The following CACNG2 variants were observed in gnomAD, a reference collection of about 807,000 sequenced individuals.
CACNG2 encodes voltage-dependent calcium channel gamma-2 subunit.
Under a neutral mutation model 25.9 loss-of-function variants are expected in CACNG2, and 3 were observed. The observed-to-expected ratio is 0.12, with a 90% CI of 0.05 to 0.30. The LOEUF is 0.30. Among genes scored for constraint, CACNG2 ranks in the 10% least tolerant of loss-of-function variants. CACNG2 has a pLI of 1.00. For synonymous variants in CACNG2, 167 were observed against 173.3 expected, an observed-to-expected ratio of 0.96 and a Z score of 0.29; for missense variants, 341 against 432.5, an observed-to-expected ratio of 0.79 and a Z score of 1.88.
intron 1 of CACNG2, among the ~76,000 whole-genome samples, chr22:36,637,926 G>A (rs568807519): frequency 6.6e-6 from 1 of 152,176 alleles, no homozygotes; most frequent in East Asian, 1.9e-4. Context: ...GGAGGCTGAG[G>A]CAGGAGAATG....
In CACNG2 at chr22:36,703,358, G is replaced by A. The variant is rs538389792; in HGVS notation, c.-782C>T. 2.0e-5 allele frequency: 3 copies of A among 153,186 alleles called. No homozygotes were observed. Among genetic ancestry groups the A allele is most frequent in the African/African-American group, 4.8e-5 (2 of 41,252 alleles). The allele number at this position is 153,186 out of a possible 1,614,324, so 9.5% of individuals were successfully genotyped here. A position where few individuals can be genotyped will look rare whatever the true frequency, so the allele number is the denominator to read the frequency against. On this transcript the variant is annotated 5_prime_UTR_variant, in exon 1 of 4. Transcript: ENST00000300105. ...GCGGGGGTAGTGTTGGCGAAGTGGGGGAGAGAGGGGGTTTCTCCTGGAGAA... is the reference window on the plus strand; with the variant it reads ...GCGGGGGTAGTGTTGGCGAAGTGGGAGAGAGAGGGGGTTTCTCCTGGAGAA...
chr22:36,597,560 T>C (rs546001288), intron 1 of CACNG2, among the ~76,000 whole-genome samples: 1 of 152,258 alleles, frequency 6.6e-6, no homozygotes, highest in South Asian at 2.1e-4. Flanking sequence ...CCCAGTGCAG[T>C]TCTTAACCCA....
intron 1 of CACNG2, among the ~76,000 whole-genome samples, chr22:36,645,807 T>C (rs892487723): frequency 1.3e-5 from 2 of 152,352 alleles, no homozygotes; most frequent in South Asian, 2.1e-4. Flanking sequence ...CTCCCCTTCA[T>C]TCAACTTCCA....
chr22:36,693,706 C>A (rs1475808402), intron 1 of CACNG2, among the ~76,000 whole-genome samples: 1 of 152,162 alleles, frequency 6.6e-6, no homozygotes, highest in Non-Finnish European at 1.5e-5. Flanking sequence ...TGCCAATGCC[C>A]AACATATGGG....
At chr22:36,664,022 C>A (rs1936838205) in intron 1 of CACNG2, among the ~76,000 whole-genome samples, 1 of 152,178 alleles carries the variant, frequency 6.6e-6, no homozygotes, top group Non-Finnish European at 1.5e-5. Context: ...TACCTTGCTG[C>A]TCCCCTCTGG....
chr22:36,673,660 C>T (rs556589153), intron 1 of CACNG2, among the ~76,000 whole-genome samples: 110 of 152,038 alleles, frequency 7.2e-4, no homozygotes, highest in Non-Finnish European at 1.4e-3. Context: ...CCCTTCACCA[C>T]ACTCGCTGCT....
At chr22:36,578,285 G>C (rs1935358919) in intron 2 of CACNG2, among the ~76,000 whole-genome samples, 1 of 151,812 alleles carries the variant, frequency 6.6e-6, no homozygotes, top group Non-Finnish European at 1.5e-5. Flanking sequence ...TTGAACCCAG[G>C]AGGCGGAGGT....
intron 1 of CACNG2, among the ~76,000 whole-genome samples, chr22:36,684,474 G>A (rs532251839): frequency 1.1e-4 from 16 of 151,902 alleles, no homozygotes; most frequent in African/African-American, 2.4e-4. Context: ...AAAATGAGCC[G>A]GTGTGATGGT....
At chr22:36,691,086 T>G (rs778825508) in intron 1 of CACNG2, among the ~76,000 whole-genome samples, 1 of 152,138 alleles carries the variant, frequency 6.6e-6, no homozygotes, top group Non-Finnish European at 1.5e-5. Flanking sequence ...GGTAGTAACT[T>G]GGTAAATTTT....
chr22:36,597,086 G>A (rs1569024520), intron 1 of CACNG2, among the ~76,000 whole-genome samples: 1 of 152,124 alleles, frequency 6.6e-6, no homozygotes, highest in Non-Finnish European at 1.5e-5. Context: ...GCAATGGCAC[G>A]ATCTCAGCTC....
chr22:36,696,580 C>T (rs1937344274), intron 1 of CACNG2, among the ~76,000 whole-genome samples: 3 of 152,158 alleles, frequency 2.0e-5, no homozygotes, highest in African/African-American at 7.2e-5. Context: ...GCTGTGGGCA[C>T]AGCAGTGAGC....
chr22:36,593,453 A>C (rs1935627761), intron 1 of CACNG2, among the ~76,000 whole-genome samples: 2 of 152,080 alleles, frequency 1.3e-5, no homozygotes, highest in South Asian at 4.1e-4. Context: ...AGGGAAATGG[A>C]CCGGAAATGT....
rs1389745907 is a variant in CACNG2, at chr22:36,564,914, G to A, written c.437-28C>T. The A allele has an allele frequency of 4.4e-6, 7 of 1,598,050 alleles. No individual in the cohort carries two copies. The South Asian group carries it at 7.7e-5, about 18-fold the overall frequency. ...GCGGGGCGCAGGGTGGCGGGGTGGG[G>A]GATCAGAGAGAAGGACGTTAGTTTC... On this transcript the variant is annotated intron_variant, in intron 3 of 3. Transcript: ENST00000300105. This position sits in a 1 kb window ranked among gnomAD's most constrained non-coding sequence, Gnocchi z 6.7.
At chr22:36,612,343 T>A (rs2145942425) in intron 1 of CACNG2, among the ~76,000 whole-genome samples, 1 of 152,342 alleles carries the variant, frequency 6.6e-6, no homozygotes, top group South Asian at 2.1e-4. Flanking sequence ...ATTCATTAAA[T>A]GTCAGCCATT....
At chr22:36,652,630 A>T (rs1936636891) in intron 1 of CACNG2, among the ~76,000 whole-genome samples, 1 of 152,104 alleles carries the variant, frequency 6.6e-6, no homozygotes, top group Admixed American at 6.6e-5. Flanking sequence ...CTATATGGTT[A>T]TCAATGTGCT....
chr22:36,587,586 T>C (rs775457863), intron 1 of CACNG2, 38 bp from the exon 2 acceptor site: 3 of 1,502,316 alleles, frequency 2.0e-6, no homozygotes, highest in Admixed American at 1.7e-5. Flanking sequence ...TGAAACATCA[T>C]AGTTTTGGGG....
At chr22:36,596,060 C>T (rs565141571) in intron 1 of CACNG2, among the ~76,000 whole-genome samples, 1 of 152,346 alleles carries the variant, frequency 6.6e-6, no homozygotes, top group South Asian at 2.1e-4. Context: ...TCATTAGGGG[C>T]TGAACAGACT....
In CACNG2 at chr22:36,574,805, A is replaced by C. The variant is rs547965954; in HGVS notation, c.296-8312T>G. Among the ~76,000 whole-genome samples the C allele has an allele frequency of 1.7e-3, 257 of 151,074 alleles. 1 individual carries two copies. The highest frequency in any genetic ancestry group is 3.0e-3 in the Non-Finnish European group (201 of 67,682). The stretch of plus-strand genomic sequence containing the variant: ...CTCAACAAAACAAAACAAAACCAAA[A>C]CAAAACAAAACAAACAAAAAAAGAG... On this transcript the variant is annotated intron_variant, in intron 2 of 3. Transcript: ENST00000300105.
chr22:36,666,251 A>G lies in CACNG2; in HGVS notation c.211+36115T>C, dbSNP rs116256201. ...AAGACCTTGTCTCTACAAATAATGG[A>G]AAAAATTAGCTGGGTAAATAGTGGC... On this transcript the variant is annotated intron_variant, in intron 1 of 3. Transcript: ENST00000300105. 3.8e-3 allele frequency among the ~76,000 whole-genome samples: 574 copies of G among 152,220 alleles called. 3 individuals carry two copies. Among genetic ancestry groups the G allele is most frequent in the African/African-American group, 0.013 (545 of 41,514 alleles).
Sources: gnomAD v4.1 joint callset for allele counts (sites outside exome capture counted in the v4.1 genomes callset) on GRCh38, gnomAD v4.1.1 for gene constraint, Gnocchi (gnomAD v3.1) non-coding constraint, MANE v1.5 for transcripts, NCBI Gene and HGNC (gene_info 2026-07-23, HGNC 2026-07-21) for gene names.